The following SLC26A8 variants were observed in gnomAD, a reference collection of about 807,000 sequenced individuals.
SLC26A8 encodes solute carrier family 26 member 8.
In SLC26A8, 70 loss-of-function variants were observed where a neutral mutation model predicts 105.0. That is an observed-to-expected ratio of 0.67 (90% CI 0.55 to 0.81). The LOEUF (loss-of-function observed/expected upper bound fraction) is 0.81, where lower values mean the gene tolerates loss of function less well. Among genes scored for constraint, SLC26A8 ranks in the 40% least tolerant of loss-of-function variants. The pLI is 0.00. For missense variants in SLC26A8, 998 were observed against 1,181.8 expected (o/e 0.84, Z 2.28); for synonymous variants, 415 against 438.3 (o/e 0.95, Z 0.66).
At chr6:35,989,808 G>C (rs1773679760) in intron 7 of SLC26A8, 1 of 152,042 alleles carries the variant, frequency 6.6e-6, no homozygotes, top group Non-Finnish European at 1.5e-5. Context: ...GGAAGGACTG[G>C]TCTTGACTCT....
intron 16 of SLC26A8, among the ~76,000 whole-genome samples, chr6:35,957,059 C>T (rs919647270): frequency 2.0e-5 from 3 of 151,938 alleles, no homozygotes; most frequent in Admixed American, 6.6e-5. Context: ...CACGTCTCTA[C>T]TAAAAATACA....
intron 2 of SLC26A8, 36 bp from the exon 3 acceptor site, chr6:36,012,408 T>C (rs1413990105): frequency 3.2e-6 from 5 of 1,538,820 alleles, no homozygotes; most frequent in Non-Finnish European, 3.5e-6. Context: ...GGTTAGTTTC[T>C]CCAAAGAAAA....
intron 9 of SLC26A8, 86 bp downstream of exon 9, chr6:35,977,118 T>C (rs1773067631): frequency 4.1e-6 from 6 of 1,459,356 alleles, no homozygotes; most frequent in Non-Finnish European, 5.5e-6. Flanking sequence ...GCTCTTCAGT[T>C]AAAAAAGACT....
At chr6:35,986,024 C>CTTTTTTTT (rs34715373) in intron 7 of SLC26A8, among the ~76,000 whole-genome samples, 2 of 71,320 alleles carry the variant, frequency 2.8e-5, no homozygotes, top group Non-Finnish European at 5.4e-5. Flanking sequence ...ACATATACAT[C>CTTTTTTTT]TTTTTTTTTT....
rs749769087 is a variant in SLC26A8 at position 36,012,295 on chromosome 6, T to C, written c.266A>G (p.Lys89Arg). 207 of 1,612,272 alleles carry C rather than the reference T, an allele frequency of 1.3e-4. No individual in the cohort carries two copies. Among genetic ancestry groups the C allele is most frequent in the Non-Finnish European group, 4.2e-6 (5 of 1,179,462 alleles). Residue 89 changes from lysine to arginine, a missense_variant, in exon 3 of 20, where the codon AAG (lysine) becomes AGG (arginine). Coordinates refer to ENST00000490799, the MANE Select transcript of SLC26A8 (RefSeq NM_052961.4). ...FLEWMCMYRL[K>R]DWLLGDLLAG... The stretch of plus-strand genomic sequence containing the variant: ...AAGTAAGTCTCCCAGAAGCCAATCC[T>C]TTAATCGATACATACACATCCATTC...
chr6:36,012,330 A>G lies in SLC26A8; in HGVS notation c.231T>C (p.Phe77=), dbSNP rs1263359401. 7 of 1,606,900 alleles carry G rather than the reference A, an allele frequency of 4.4e-6. No individual in the cohort carries two copies. Among genetic ancestry groups the G allele is most frequent in the African/African-American group, 1.3e-5 (1 of 74,462 alleles). The change falls in exon 3 of 20, where the codon TTT becomes TTC. Residue 77 remains phenylalanine (F), a synonymous_variant. Transcript: ENST00000490799. ...ACATACACATCCATTCTAGGAAGGGAAAGATTGTAAGCACGCATCGTAGGA... is the reference window on the plus strand; with the variant it reads ...ACATACACATCCATTCTAGGAAGGGGAAGATTGTAAGCACGCATCGTAGGA... ...HRFLRCVLTI[F]PFLEWMCMYR...
In SLC26A8 at chr6:35,951,177, A is replaced by G. The variant is rs1198676789; in HGVS notation, c.2458T>C (p.Ser820Pro). ...GTTTGTCTGACCTTGTCTGTTTCTG[A>G]GTAGGTTTCCCGTATCACTGTCTCG... ...ESETVIRETY[S>P]ETDKNDNSRY... is the part of the protein sequence containing the mutation. The change falls in exon 19 of 20, where the codon TCA (serine) becomes CCA (proline). Residue 820 changes from serine to proline, a missense_variant. By Grantham distance (74) the Ser-to-Pro change is moderately conservative. Coordinates refer to ENST00000490799, the MANE Select transcript of SLC26A8 (RefSeq NM_052961.4). The G allele has an allele frequency of 4.5e-6, 7 of 1,558,452 alleles. No individual in the cohort carries two copies. The highest frequency in any genetic ancestry group is 5.2e-6 in the Non-Finnish European group (6 of 1,152,002).
intron 11 of SLC26A8, among the ~76,000 whole-genome samples, chr6:35,965,664 A>G (rs1371456589): frequency 1.4e-5 from 2 of 147,974 alleles, no homozygotes; most frequent in African/African-American, 5.0e-5. Context: ...CCTGGGCAAC[A>G]AGAGCGAAAC....
At chr6:35,976,775 A>C (rs1461610650) in intron 9 of SLC26A8, among the ~76,000 whole-genome samples, 1 of 151,616 alleles carries the variant, frequency 6.6e-6, no homozygotes, top group African/African-American at 2.4e-5. Context: ...TGATCTCCTG[A>C]CCTCGTGATC....
chr6:35,994,855 G>A (rs1761305244), intron 5 of SLC26A8, among the ~76,000 whole-genome samples: 1 of 152,242 alleles, frequency 6.6e-6, no homozygotes, highest in African/African-American at 2.4e-5. Context: ...GGAATTACAG[G>A]CGTGAGCCAC....
chr6:35,983,489 G>T (rs1193384272), intron 7 of SLC26A8, among the ~76,000 whole-genome samples: 8 of 151,722 alleles, frequency 5.3e-5, no homozygotes, highest in Admixed American at 4.6e-4. Context: ...TATCAGTATA[G>T]TCTACCTGGA....
At chr6:36,011,173 A>T (rs530484177) in intron 3 of SLC26A8, among the ~76,000 whole-genome samples, 2 of 152,318 alleles carry the variant, frequency 1.3e-5, no homozygotes, top group South Asian at 4.1e-4. Flanking sequence ...TTTGAGGATG[A>T]ATTTGATCTG....
intron 3 of SLC26A8, among the ~76,000 whole-genome samples, chr6:36,011,443 T>C (rs1171379264): frequency 6.6e-6 from 1 of 152,326 alleles, no homozygotes; most frequent in East Asian, 1.9e-4. Flanking sequence ...AAGTTGTTGA[T>C]TCCTATTTGG....
chr6:35,973,221 T>G (rs6924359), intron 10 of SLC26A8, among the ~76,000 whole-genome samples: 63,515 of 152,048 alleles, frequency 0.42, 14,877 homozygotes, highest in African/African-American at 0.64. Flanking sequence ...CTCTGGAATC[T>G]CCATTTCCAT....
chr6:36,002,711 C>CTT lies in SLC26A8; in HGVS notation c.329-2605_329-2604dup, dbSNP rs34341096. Reference sequence around the variant, plus strand: ...CCCATTTTGTGATTTGCTTTTCAATCTTTTTTTTTTTTTGAGATGGCATCT... The same window carrying CTT: ...CCCATTTTGTGATTTGCTTTTCAATCTTTTTTTTTTTTTTTGAGATGGCATCT... On this transcript the variant is annotated intron_variant, in intron 3 of 19. Transcript: ENST00000490799. 1.3e-3 allele frequency among the ~76,000 whole-genome samples: 189 copies of CTT among 144,688 alleles called. 1 individual carries two copies. The highest frequency in any genetic ancestry group is 5.2e-3 in the South Asian group (24 of 4,596). 94.9% of individuals were successfully genotyped at this position (144,688 alleles called of 152,430 possible).
chr6:35,995,790 T>C (rs1040188335), intron 5 of SLC26A8, among the ~76,000 whole-genome samples: 4 of 152,034 alleles, frequency 2.6e-5, no homozygotes, highest in Admixed American at 1.3e-4. Flanking sequence ...GGATTACAGA[T>C]GTGAGCCACC....
chr6:35,953,417 T>C (rs1026630367), intron 17 of SLC26A8, among the ~76,000 whole-genome samples: 9 of 152,336 alleles, frequency 5.9e-5, no homozygotes, highest in African/African-American at 2.2e-4. Context: ...ACTTATGAGC[T>C]GTGAGCCTCA....
Position 36,018,303 on chromosome 6 carries a change from A to G in SLC26A8, c.188+1217T>C, listed in dbSNP as rs144514373. Among the ~76,000 whole-genome samples the G allele has an allele frequency of 1.0e-3, 155 of 152,362 alleles. No homozygotes were observed. In the South Asian group the frequency reaches 0.017, roughly 16 times the overall value. Reference sequence around the variant, plus strand: ...ATGGATAAACAAAAATGTGGTATATAAATACAATGGAATATTATTCAGCCA... The same window carrying G: ...ATGGATAAACAAAAATGTGGTATATGAATACAATGGAATATTATTCAGCCA... On this transcript the variant is annotated intron_variant, in intron 2 of 19. Coordinates refer to ENST00000490799, the MANE Select transcript of SLC26A8 (RefSeq NM_052961.4).
intron 3 of SLC26A8, among the ~76,000 whole-genome samples, chr6:36,003,469 C>T (rs903856378): frequency 1.8e-4 from 28 of 152,018 alleles, no homozygotes; most frequent in African/African-American, 6.3e-4. Flanking sequence ...TTAGTAATCT[C>T]CATTTTTATT....
Sources: allele counts gnomAD v4.1 joint callset (sites outside exome capture counted in the v4.1 genomes callset), GRCh38; gene constraint gnomAD v4.1.1; transcripts MANE v1.5; gene names NCBI Gene and HGNC (gene_info 2026-07-23, HGNC 2026-07-21).